PRKAR2A: variants seen among roughly 807,000 people sequenced by gnomAD.
PRKAR2A encodes cAMP-dependent protein kinase type II-alpha regulatory subunit.
In PRKAR2A, 29 loss-of-function variants were observed where a neutral mutation model predicts 51.9. The ratio of observed to expected loss-of-function variants is 0.56; its 90% CI spans 0.42 to 0.76. The LOEUF (loss-of-function observed/expected upper bound fraction) is 0.76, where lower values mean the gene tolerates loss of function less well. Among genes scored for constraint, PRKAR2A ranks in the 30% least tolerant of loss-of-function variants. The pLI, the probability that PRKAR2A is intolerant of heterozygous loss-of-function variation, is 0.00. For missense variants in PRKAR2A, 445 were observed against 512.1 expected (o/e 0.87, Z 1.26); for synonymous variants, 178 against 186.2 (o/e 0.96, Z 0.36).
chr3:48,764,855 C>T lies in PRKAR2A; in HGVS notation c.873+149G>A. 4.7e-6 allele frequency: 3 copies of T among 634,116 alleles called. 1 individual carries two copies. Among genetic ancestry groups the T allele is most frequent in the South Asian group, 4.0e-5 (2 of 50,266 alleles). The allele number at this position is 634,116 out of a possible 1,614,324, so 39.3% of individuals were successfully genotyped here. On this transcript the variant is annotated intron_variant, in intron 8 of 10. Transcript: ENST00000265563. ...GGCCAGGCTGGTCTTGAACTCCTGG[C>T]CTCAAGTGATCCACCTGCCTCAGCC...
At chr3:48,769,189 G>A (rs1463148788) in intron 6 of PRKAR2A, among the ~76,000 whole-genome samples, 2 of 128,004 alleles carry the variant, frequency 1.6e-5, no homozygotes, top group African/African-American at 6.0e-5. Context: ...ACAGAGTCTC[G>A]CTCTGCCACC....
intron 3 of PRKAR2A, among the ~76,000 whole-genome samples, chr3:48,792,074 C>T (rs905636106): frequency 1.3e-5 from 2 of 151,876 alleles, no homozygotes; most frequent in Admixed American, 6.6e-5. Context: ...TAGAATACTT[C>T]AGAAATCTTT....
intron 2 of PRKAR2A, among the ~76,000 whole-genome samples, chr3:48,797,896 T>C (rs529756808): frequency 1.1e-4 from 16 of 152,186 alleles, no homozygotes; most frequent in Non-Finnish European, 2.2e-4. Flanking sequence ...GGGTGCATTA[T>C]CTCAGTTCTT....
chr3:48,807,202 C>T (rs1024090212), intron 2 of PRKAR2A, among the ~76,000 whole-genome samples: 2 of 152,020 alleles, frequency 1.3e-5, no homozygotes, highest in Non-Finnish European at 2.9e-5. Context: ...CTCCCAGTAG[C>T]CTAATCTGTG....
At chr3:48,803,141 G>A (rs996160262) in intron 2 of PRKAR2A, among the ~76,000 whole-genome samples, 3 of 152,124 alleles carry the variant, frequency 2.0e-5, no homozygotes, top group African/African-American at 7.2e-5. Flanking sequence ...AAAGCATGGA[G>A]CATGTGGCTC....
At chr3:48,745,191 T>TTC (rs1559594141), downstream of PRKAR2A, among the ~76,000 whole-genome samples, 1 of 150,838 alleles carries the variant, frequency 6.6e-6, no homozygotes, top group Non-Finnish European at 1.5e-5. Context: ...TTTTTTTTTT[T>TTC]CAGACACCGT....
chr3:48,798,051 C>T (rs2082524719), intron 2 of PRKAR2A, among the ~76,000 whole-genome samples: 1 of 152,110 alleles, frequency 6.6e-6, no homozygotes, highest in South Asian at 2.1e-4. Context: ...CTCCCAGGTT[C>T]AAACAATTCT....
At chr3:48,793,572 A>AT (rs556285506) in intron 3 of PRKAR2A, among the ~76,000 whole-genome samples, 69 of 140,874 alleles carry the variant, frequency 4.9e-4, no homozygotes, top group Admixed American at 9.9e-4. Context: ...CATGCCCAGC[A>AT]TTTTTTTTTT....
At chr3:48,765,160 A>G (rs2081922627) in intron 7 of PRKAR2A, 82 bp from the exon 8 acceptor site, 1 of 1,542,586 alleles carries the variant, frequency 6.5e-7, no homozygotes, top group South Asian at 1.1e-5. Context: ...ATAGGATTAG[A>G]ATAGTATGAT....
chr3:48,820,067 A>G (rs1559640508), intron 1 of PRKAR2A, among the ~76,000 whole-genome samples: 1 of 152,196 alleles, frequency 6.6e-6, no homozygotes, highest in African/African-American at 2.4e-5. Flanking sequence ...AGCATAGAAC[A>G]TTCATGGTAA....
At chr3:48,846,875 T>G (rs1439839529) in intron 1 of PRKAR2A, among the ~76,000 whole-genome samples, 1 of 152,190 alleles carries the variant, frequency 6.6e-6, no homozygotes. Context: ...TGATGGCATA[T>G]AGGGATTCAT....
At chr3:48,807,734 AT>A in intron 1 of PRKAR2A, 50 bp from the exon 2 acceptor site, 1 of 1,505,944 alleles carries the variant, frequency 6.6e-7, no homozygotes, top group African/African-American at 1.4e-5. Flanking sequence ...ACCAGGCCGC[AT>A]TTTTATCCTC....
intron 5 of PRKAR2A, 57 bp from the exon 6 acceptor site, chr3:48,773,165 A>G: frequency 7.2e-7 from 1 of 1,379,840 alleles, no homozygotes; most frequent in Admixed American, 1.9e-5. Context: ...AATGTTAAGA[A>G]CTGGCAGGTA....
rs9860187 is a variant in PRKAR2A at position 48,779,167 on chromosome 3, C to T, written c.542+3819G>A. Among the ~76,000 whole-genome samples the T allele has an allele frequency of 2.0e-5, 3 of 151,838 alleles. No homozygotes were observed. In the East Asian group the frequency reaches 5.8e-4, roughly 30 times the overall value. ...TAAAAATGAGGTTTCACTATCTTCC[C>T]CAGGCTGGTTTTGAACTCCTGGGCT... On this transcript the variant is annotated intron_variant, in intron 5 of 10. Transcript: ENST00000265563.
At chr3:48,789,293 A>T (rs2082343992) in intron 4 of PRKAR2A, among the ~76,000 whole-genome samples, 1 of 152,126 alleles carries the variant, frequency 6.6e-6, no homozygotes, top group Non-Finnish European at 1.5e-5. Context: ...GAAACCACAG[A>T]TAGTGTTGAA....
In PRKAR2A at chr3:48,798,065, G is replaced by A. The variant is rs550941641; in HGVS notation, c.299-4016C>T. Among the ~76,000 whole-genome samples the A allele has an allele frequency of 2.8e-3, 425 of 152,160 alleles. 3 individuals carry two copies. Among genetic ancestry groups the A allele is most frequent in the African/African-American group, 9.5e-3 (395 of 41,514 alleles). ...CCTCCCAGGTTCAAACAATTCTCCTGCCTCAGCCTCCTGAGCAGGTGGGAT... is the reference window on the plus strand; with the variant it reads ...CCTCCCAGGTTCAAACAATTCTCCTACCTCAGCCTCCTGAGCAGGTGGGAT... On this transcript the variant is annotated intron_variant, in intron 2 of 10. Coordinates refer to ENST00000265563, the MANE Select transcript of PRKAR2A (RefSeq NM_004157.4).
chr3:48,819,775 C>T (rs1297430971), intron 1 of PRKAR2A, among the ~76,000 whole-genome samples: 1 of 152,170 alleles, frequency 6.6e-6, no homozygotes, highest in Non-Finnish European at 1.5e-5. Flanking sequence ...GAGTGGACAT[C>T]TGCTGAAATA....
chr3:48,778,709 G>T (rs1441994885), intron 5 of PRKAR2A, among the ~76,000 whole-genome samples: 1 of 151,644 alleles, frequency 6.6e-6, no homozygotes, highest in East Asian at 1.9e-4. Context: ...TAGTAGAGAT[G>T]GGGTTTCACC....
chr3:48,751,251 G>T lies in PRKAR2A; in HGVS notation c.*334C>A, dbSNP rs533475704. On this transcript the variant is annotated 3_prime_UTR_variant, in exon 11 of 11. Transcript: ENST00000265563. ...AAAAGCAAGAGTAGCAGCAAGAGAG[G>T]AAAGGAGCATGTTTATACTTTGGAC... is the stretch of plus-strand genomic sequence containing the variant. 2.0e-6 allele frequency: 1 copy of T among 488,980 alleles called. No homozygotes were observed. Among genetic ancestry groups the T allele is most frequent in the Admixed American group, 2.3e-5 (1 of 43,206 alleles). The allele number at this position is 488,980 out of a possible 1,614,324, so 30.3% of individuals were successfully genotyped here.
Sources: gnomAD v4.1 joint callset for allele counts (sites outside exome capture counted in the v4.1 genomes callset) on GRCh38, gnomAD v4.1.1 for gene constraint, MANE v1.5 for transcripts, NCBI Gene and HGNC (gene_info 2026-07-23, HGNC 2026-07-21) for gene names.